Variants in ZNF791 observed in about 807,000 individuals in gnomAD.
The protein encoded by ZNF791 is zinc finger protein 791.
ZNF791 carries 4 observed loss-of-function variants against 11.5 expected under a neutral mutation model. That is an observed-to-expected ratio of 0.35 (90% confidence interval 0.17 to 0.80). The LOEUF (loss-of-function observed/expected upper bound fraction) is 0.80, where lower values mean the gene tolerates loss of function less well. ZNF791 is among the 30% of genes least tolerant of loss of function. The pLI, the probability that ZNF791 is intolerant of heterozygous loss-of-function variation, is 0.53. For missense variants in ZNF791, 559 were observed against 699.4 expected (o/e 0.80, Z 2.26); for synonymous variants, 212 against 228.1 (o/e 0.93, Z 0.64).
At chr19:12,615,295 A>G (rs1422826177) in intron 1 of ZNF791, among the ~76,000 whole-genome samples, 1 of 151,680 alleles carries the variant, frequency 6.6e-6, no homozygotes, top group East Asian at 1.9e-4. Flanking sequence ...GGCCTCCCAC[A>G]ATTTCTTGAC....
chr19:12,613,115 G>C (rs936715889), intron 1 of ZNF791, among the ~76,000 whole-genome samples: 3 of 151,984 alleles, frequency 2.0e-5, no homozygotes, highest in Non-Finnish European at 4.4e-5. Flanking sequence ...ACACCACTAT[G>C]CCCGGCTAAT....
At chr19:12,627,191 CAA>C (rs75550421) in intron 3 of ZNF791, among the ~76,000 whole-genome samples, 1 of 115,548 alleles carries the variant, frequency 8.7e-6, no homozygotes. Context: ...AAAATGAAAC[CAA>C]AAAAAAAAAA....
At chr19:12,611,133 G>A in intron 1 of ZNF791, 51 bp downstream of exon 1, 1 of 1,610,374 alleles carries the variant, frequency 6.2e-7, no homozygotes. Context: ...CGCGGGACCC[G>A]GGCCTCCCCA....
At position 12,624,720 on chromosome 19, in the gene ZNF791, A is replaced by G; in HGVS notation, c.191+10A>G. ...AAGGACGAAATCTAAGGTGAGTTGC[A>G]CTCACAAGAAGTAACAGTGTTCCTT... is the stretch of plus-strand genomic sequence containing the variant. On this transcript the variant is annotated intron_variant, in intron 3 of 3. Transcript: ENST00000343325. The G allele has an allele frequency of 6.3e-7, 1 of 1,599,780 alleles. No individual in the cohort carries two copies. Among genetic ancestry groups the G allele is most frequent in the Non-Finnish European group, 8.5e-7 (1 of 1,172,264 alleles).
At position 12,623,681 on chromosome 19, in the gene ZNF791, C is replaced by G; in HGVS notation, c.4-19C>G. The G allele has an allele frequency of 6.2e-7, 1 of 1,613,702 alleles. No individual in the cohort carries two copies. Among genetic ancestry groups the G allele is most frequent in the Non-Finnish European group, 8.5e-7 (1 of 1,179,860 alleles). ...CCTTGTCAATCTCACCTATTCTCTA[C>G]TTATATTGGATGTTTCAGGACTCAG... is the stretch of plus-strand genomic sequence containing the variant. On this transcript the variant is annotated intron_variant, in intron 1 of 3. Transcript: ENST00000343325.
At position 12,630,909 on chromosome 19, in the gene ZNF791, C is replaced by A. The variant is rs1449523062; in HGVS notation, c.*1649C>A. ...ATAAGTTTATAAAGAAAATAATGTA[C>A]AGTAAGTTAAGGTTTATTCATTATT... On this transcript the variant is annotated 3_prime_UTR_variant, in exon 4 of 4. Transcript: ENST00000343325. 2 of 152,134 alleles carry A rather than the reference C, an allele frequency of 1.3e-5. No homozygotes were observed. The highest frequency in any genetic ancestry group is 2.4e-5 in the African/African-American group (1 of 41,418). 9.4% of individuals were successfully genotyped at this position (152,134 alleles called of 1,614,324 possible).
rs1771715161 is a variant in ZNF791, at chr19:12,630,289, C to T, written c.*1029C>T. The T allele has an allele frequency of 2.6e-5, 4 of 152,010 alleles. No homozygotes were observed. Among genetic ancestry groups the T allele is most frequent in the Admixed American group, 1.3e-4 (2 of 15,222 alleles). 9.4% of individuals were successfully genotyped at this position (152,010 alleles called of 1,614,324 possible). The stretch of plus-strand genomic sequence containing the variant: ...CCTGGTCAACATGATGAAACCCTGT[C>T]TCCATTAGAAATACGAAAATTAGCT... On this transcript the variant is annotated 3_prime_UTR_variant, in exon 4 of 4. Coordinates refer to ENST00000343325, the MANE Select transcript of ZNF791 (RefSeq NM_153358.3).
At chr19:12,622,420 A>AAC (rs1395589401) in intron 1 of ZNF791, among the ~76,000 whole-genome samples, 2 of 146,244 alleles carry the variant, frequency 1.4e-5, no homozygotes, top group East Asian at 3.9e-4. Context: ...ACAAAAAAAA[A>AAC]AAAAAAAAAA....
At chr19:12,621,239 G>C (rs763765754) in intron 1 of ZNF791, among the ~76,000 whole-genome samples, 5 of 152,098 alleles carry the variant, frequency 3.3e-5, no homozygotes, top group Non-Finnish European at 7.4e-5. Flanking sequence ...GTGCTCTTCT[G>C]ACATTTTATC....
intron 1 of ZNF791, among the ~76,000 whole-genome samples, chr19:12,622,511 T>C (rs2023369555): frequency 6.7e-6 from 1 of 150,054 alleles, no homozygotes; most frequent in Non-Finnish European, 1.5e-5. Flanking sequence ...GGGCTGGGTA[T>C]GGTTATTCAT....
chr19:12,616,756 G>A (rs1373189042), intron 1 of ZNF791, among the ~76,000 whole-genome samples: 1 of 148,262 alleles, frequency 6.7e-6, no homozygotes, highest in Non-Finnish European at 1.5e-5. Context: ...TCAGATAAGT[G>A]CTTTTGTGAA....
chr19:12,616,253 C>G (rs1273309344), intron 1 of ZNF791, among the ~76,000 whole-genome samples: 1 of 152,076 alleles, frequency 6.6e-6, no homozygotes, highest in Non-Finnish European at 1.5e-5. Flanking sequence ...AGGTCTTTTG[C>G]TCATTTTTCA....
Position 12,629,027 on chromosome 19 carries a change from G to A in ZNF791, c.1498G>A (p.Glu500Lys), listed in dbSNP as rs566671316. 4.3e-6 allele frequency: 7 copies of A among 1,613,398 alleles called. No individual in the cohort carries two copies. The highest frequency in any genetic ancestry group is 5.9e-6 in the Non-Finnish European group (7 of 1,179,810). The change falls in exon 4 of 4, where the codon GAA becomes AAA. Residue 500 changes from glutamate (E) to lysine (K), a missense_variant. Physicochemically the swap from Glu to Lys is moderately conservative, Grantham distance 56 (BLOSUM62 1). Coordinates refer to ENST00000343325, the MANE Select transcript of ZNF791 (RefSeq NM_153358.3). ...HTGEKPYECK[E>K]CGKAFIYPTS... ...TGGGGAGAAACCTTATGAATGTAAG[G>A]AATGCGGGAAGGCCTTTATTTATCC...
At chr19:12,617,357 C>G (rs1032901099) in intron 1 of ZNF791, among the ~76,000 whole-genome samples, 1 of 152,054 alleles carries the variant, frequency 6.6e-6, no homozygotes, top group Non-Finnish European at 1.5e-5. Context: ...AACTCCTGAC[C>G]TCGTGATCCG....
chr19:12,618,808 AGTGTGTGTGTGTGTGT>A (rs60468264), intron 1 of ZNF791, among the ~76,000 whole-genome samples: 23 of 143,610 alleles, frequency 1.6e-4, no homozygotes, highest in Admixed American at 2.8e-4. Context: ...TTTACCTCTC[AGTGTGTGTGTGTGTGT>A]GTGTGTGTGT....
At position 12,633,337 on chromosome 19, in the gene ZNF791, T is replaced by C. The variant is rs182576831; in HGVS notation, c.*4077T>C. 2.0e-5 allele frequency: 3 copies of C among 152,224 alleles called. No homozygotes were observed. The East Asian group carries it at 5.8e-4, about 29-fold the overall frequency. The allele number at this position is 152,224 out of a possible 1,614,324, so 9.4% of individuals were successfully genotyped here. A position where few individuals can be genotyped will look rare whatever the true frequency, so the allele number is the denominator to read the frequency against. Reference sequence around the variant, plus strand: ...CTGGACGTGGCCCTCCTGCTACCTGTCGACACAGGTAAATTTCCTAGAATC... The same window carrying C: ...CTGGACGTGGCCCTCCTGCTACCTGCCGACACAGGTAAATTTCCTAGAATC... On this transcript the variant is annotated 3_prime_UTR_variant, in exon 4 of 4. Coordinates refer to ENST00000343325, the MANE Select transcript of ZNF791 (RefSeq NM_153358.3).
intron 1 of ZNF791, among the ~76,000 whole-genome samples, chr19:12,620,686 G>T (rs1599323404): frequency 6.6e-6 from 1 of 151,038 alleles, no homozygotes; most frequent in African/African-American, 2.4e-5. Flanking sequence ...GAGAACCTGG[G>T]ACAACAGCCC....
Position 12,610,944 on chromosome 19 carries a change from A to G in ZNF791, c.-136A>G. ...CAAATGCGTGCTACGTCACTGTGCG[A>G]TCGGGTTGTGCTTAGCTTGGGGTCT... On this transcript the variant is annotated 5_prime_UTR_variant, in exon 1 of 4. Coordinates refer to ENST00000343325, the MANE Select transcript of ZNF791 (RefSeq NM_153358.3). The G allele has an allele frequency of 8.1e-7, 1 of 1,232,122 alleles. No homozygotes were observed. Among genetic ancestry groups the G allele is most frequent in the Non-Finnish European group, 1.2e-6 (1 of 843,528 alleles). The allele number at this position is 1,232,122 out of a possible 1,614,324, so 76.3% of individuals were successfully genotyped here.
chr19:12,623,673 A>G (rs758469792), intron 1 of ZNF791, 27 bp from the exon 2 acceptor site: 8 of 1,613,270 alleles, frequency 5.0e-6, no homozygotes, highest in Admixed American at 3.3e-5. Context: ...AATCTCACCT[A>G]TTCTCTACTT....
Sources: allele counts gnomAD v4.1 joint callset (sites outside exome capture counted in the v4.1 genomes callset), GRCh38; gene constraint gnomAD v4.1.1; transcripts MANE v1.5; gene names NCBI Gene and HGNC (gene_info 2026-07-23, HGNC 2026-07-21).